The following MYO3A variants were observed in gnomAD, a reference collection of about 807,000 sequenced individuals.
The protein encoded by MYO3A is myosin-IIIa.
A neutral mutation model predicts 192.7 loss-of-function variants in MYO3A; 180 were observed. The observed-to-expected ratio is 0.93, with a 90% CI of 0.83 to 1.06. The LOEUF is 1.06. Ranked by LOEUF, MYO3A falls within the 50% of genes least tolerant of loss-of-function variation. The pLI is 0.00. For synonymous variants in MYO3A, 628 were observed against 645.3 expected (o/e 0.97, Z 0.41); for missense variants, 1,896 against 1,905.0 (o/e 1.00, Z 0.09).
intron 3 of MYO3A, 85 bp downstream of exon 3, chr10:25,952,363 C>T: frequency 7.3e-7 from 1 of 1,364,858 alleles, no homozygotes; most frequent in Non-Finnish European, 1.0e-6. Context: ...TTGATTTATT[C>T]ATCACAATAG....
At chr10:25,935,440 T>C (rs1452095588) in intron 1 of MYO3A, among the ~76,000 whole-genome samples, 2 of 152,232 alleles carry the variant, frequency 1.3e-5, no homozygotes, top group Non-Finnish European at 2.9e-5. Context: ...AGAATCTTCA[T>C]TTCTGGTTGT....
intron 14 of MYO3A, among the ~76,000 whole-genome samples, chr10:26,079,935 C>G (rs1187982072): frequency 6.6e-6 from 1 of 152,170 alleles, no homozygotes; most frequent in Non-Finnish European, 1.5e-5. Context: ...GTGCTTCTGT[C>G]TCACAGCTCT....
intron 4 of MYO3A, among the ~76,000 whole-genome samples, chr10:25,988,939 C>CTTTTTTTTTTT (rs56308717): frequency 9.8e-4 from 114 of 116,896 alleles, no homozygotes; most frequent in Middle Eastern, 4.6e-3. Context: ...CCCTAAAACT[C>CTTTTTTTTTTT]TTTTTTTTTT....
chr10:26,109,186 A>T (rs1838009936), intron 17 of MYO3A, among the ~76,000 whole-genome samples: 1 of 151,780 alleles, frequency 6.6e-6, no homozygotes, highest in East Asian at 1.9e-4. Context: ...GCCCACTCTA[A>T]CTTAAGAAAT....
At chr10:26,056,218 C>T (rs1409322940) in intron 10 of MYO3A, among the ~76,000 whole-genome samples, 2 of 151,798 alleles carry the variant, frequency 1.3e-5, no homozygotes, top group Non-Finnish European at 2.9e-5. Context: ...TTAATGGGCT[C>T]ATTAGTAGAC....
intron 31 of MYO3A, among the ~76,000 whole-genome samples, chr10:26,183,486 G>A (rs2132093831): frequency 6.6e-6 from 1 of 152,268 alleles, no homozygotes; most frequent in East Asian, 1.9e-4. Context: ...TTGCGCCACT[G>A]CACTCCAGCC....
At chr10:26,007,318 G>T (rs1214930482) in intron 6 of MYO3A, among the ~76,000 whole-genome samples, 3 of 150,784 alleles carry the variant, frequency 2.0e-5, no homozygotes, top group African/African-American at 7.4e-5. Flanking sequence ...TTGAAAACCG[G>T]CACAAGACAG....
chr10:26,096,744 G>C (rs1564544566), intron 17 of MYO3A, 62 bp downstream of exon 17: 1 of 1,176,326 alleles, frequency 8.5e-7, no homozygotes, highest in East Asian at 2.3e-5. Flanking sequence ...CTAATGTTAA[G>C]AGCATTTATT....
intron 15 of MYO3A, among the ~76,000 whole-genome samples, chr10:26,091,745 AAG>A: frequency 6.6e-6 from 1 of 152,364 alleles, no homozygotes; most frequent in Middle Eastern, 3.4e-3. Context: ...GTGAGAAACT[AAG>A]AGAATTTTAA....
chr10:26,146,358 A>C (rs536365041), intron 22 of MYO3A, among the ~76,000 whole-genome samples: 1 of 152,400 alleles, frequency 6.6e-6, no homozygotes, highest in African/African-American at 2.4e-5. Flanking sequence ...AGTTATCTAA[A>C]GAAACAATCT....
chr10:25,949,991 T>A (rs908036509), intron 2 of MYO3A, among the ~76,000 whole-genome samples: 3 of 152,156 alleles, frequency 2.0e-5, no homozygotes, highest in African/African-American at 7.2e-5. Context: ...GCCTACCATG[T>A]ACTAGGCATT....
At chr10:26,041,683 TAAAC>T (rs137958567) in intron 10 of MYO3A, among the ~76,000 whole-genome samples, 24,810 of 151,958 alleles carry the variant, frequency 0.16, 2,310 homozygotes, top group Non-Finnish European at 0.21. Flanking sequence ...AATGTTTGCA[TAAAC>T]AAACAAACAA....
intron 6 of MYO3A, among the ~76,000 whole-genome samples, chr10:26,002,908 C>T (rs1840937876): frequency 6.6e-6 from 1 of 152,086 alleles, no homozygotes; most frequent in Non-Finnish European, 1.5e-5. Flanking sequence ...TCACTGTAAT[C>T]ATATTTTATT....
At chr10:25,997,093 A>T in intron 5 of MYO3A, 66 bp from the exon 6 acceptor site, 1 of 1,241,598 alleles carries the variant, frequency 8.1e-7, no homozygotes, top group South Asian at 1.2e-5. Context: ...GTACAGGTAC[A>T]TCATCTGAAA....
chr10:26,034,885 A>G (rs937645594), intron 10 of MYO3A, among the ~76,000 whole-genome samples: 9 of 106,636 alleles, frequency 8.4e-5, no homozygotes, highest in African/African-American at 2.2e-4. Flanking sequence ...ATATGTGGAC[A>G]TTTATTTGTT....
intron 9 of MYO3A, among the ~76,000 whole-genome samples, chr10:26,024,861 G>T (rs899836698): frequency 6.6e-6 from 1 of 152,090 alleles, no homozygotes; most frequent in Non-Finnish European, 1.5e-5. Context: ...GATTTGGTTT[G>T]TCTTCCTCTA....
rs755810399 is a variant in MYO3A, at chr10:26,147,495, A to G, written c.2571A>G (p.Leu857=). The change falls in exon 23 of 35, where the codon CTA becomes CTG. Residue 857 remains leucine, a synonymous_variant. Coordinates refer to ENST00000642920, the MANE Select transcript of MYO3A (RefSeq NM_017433.5). ...NRDTLPTDIV[L]LLRSSDNSVI... ...ACACTCTTCCTACTGACATTGTGCT[A>G]CTTTTGAGGTCATCCGACAACAGTG... The G allele has an allele frequency of 9.3e-6, 15 of 1,613,790 alleles. No individual in the cohort carries two copies. The highest frequency in any genetic ancestry group is 1.2e-5 in the Non-Finnish European group (14 of 1,179,846).
chr10:26,129,506 CAG>C (rs1385314569), intron 20 of MYO3A, among the ~76,000 whole-genome samples: 2 of 152,238 alleles, frequency 1.3e-5, no homozygotes, highest in Non-Finnish European at 2.9e-5. Context: ...TAAAAGCAAA[CAG>C]AATAAAAAAC....
At position 26,174,024 on chromosome 10, in the gene MYO3A, A is replaced by G. The variant is rs368827513; in HGVS notation, c.3760A>G (p.Lys1254Glu). The G allele has an allele frequency of 4.8e-5, 78 of 1,612,768 alleles. No homozygotes were observed. The highest frequency in any genetic ancestry group is 6.3e-5 in the Non-Finnish European group (74 of 1,179,776). The change falls in exon 30 of 35, where the codon AAA becomes GAA. Residue 1254 changes from lysine (K) to glutamate (E), a missense_variant. Coordinates refer to ENST00000642920, the MANE Select transcript of MYO3A (RefSeq NM_017433.5). Reference protein sequence around the residue: ...YTEERNCEESKAAYLERKAIS... With the variant: ...YTEERNCEESEAAYLERKAIS... Reference sequence around the variant, plus strand: ...AGAGGAGAGGAATTGTGAAGAGTCAAAAGCAGCATATCTAGAAAGGAAGGC... The same window carrying G: ...AGAGGAGAGGAATTGTGAAGAGTCAGAAGCAGCATATCTAGAAAGGAAGGC...
Sources: allele counts gnomAD v4.1 joint callset (sites outside exome capture counted in the v4.1 genomes callset), GRCh38; gene constraint gnomAD v4.1.1; transcripts MANE v1.5; gene names NCBI Gene and HGNC (gene_info 2026-07-23, HGNC 2026-07-21).